The following WDR27 variants were observed in gnomAD, a reference collection of about 807,000 sequenced individuals.
WDR27 encodes WD repeat domain 27.
WDR27 carries 100 observed loss-of-function variants against 114.4 expected under a neutral mutation model. The ratio of observed to expected loss-of-function variants is 0.87; its 90% confidence interval spans 0.74 to 1.03. WDR27 has a LOEUF of 1.03. WDR27 is among the 50% of genes least tolerant of loss of function. The probability of loss-of-function intolerance (pLI) is 0.00; values close to 1 mark genes in which losing one functional copy is unlikely to be tolerated. For synonymous variants in WDR27, 449 were observed against 423.1 expected, an observed-to-expected ratio of 1.06 and a Z score of -0.75; for missense variants, 1,129 against 1,092.9, an observed-to-expected ratio of 1.03 and a Z score of -0.47.
intron 25 of WDR27, among the ~76,000 whole-genome samples, chr6:169,484,071 C>A (rs1788552529): frequency 4.6e-5 from 7 of 152,082 alleles, no homozygotes; most frequent in Admixed American, 4.6e-4. Context: ...CAATGTTGTA[C>A]TGAATTGACA....
At position 169,688,890 on chromosome 6, in the gene WDR27, C is replaced by T. The variant is rs752929948; in HGVS notation, c.116G>A (p.Ser39Asn). 1.2e-6 allele frequency: 2 copies of T among 1,613,964 alleles called. No individual in the cohort carries two copies. Among genetic ancestry groups the T allele is most frequent in the South Asian group, 2.2e-5 (2 of 91,076 alleles). ...ESVSHVQLAC[S>N]MQDCAFPLDG... ...CAAAGGGAAAGCACAGTCCTGCATG[C>T]TGCAAGCAAGCTGAACATGAGACAC... Residue 39 changes from serine to asparagine, a missense_variant, in exon 2 of 26, where the codon AGC becomes AAC. Ser to Asn is a conservative substitution (Grantham distance 46). Transcript: ENST00000448612.
chr6:169,562,183 A>G (rs3006191), intron 25 of WDR27, among the ~76,000 whole-genome samples: 89,765 of 151,984 alleles, frequency 0.59, 29,228 homozygotes, highest in Non-Finnish European at 0.72. Flanking sequence ...TGAGGAACAC[A>G]CCTAACCAAC....
rs546900192 is a variant in WDR27 at position 169,508,607 on chromosome 6, A to G, written c.2646-50973T>C. On this transcript the variant is annotated intron_variant, in intron 25 of 25. Transcript: ENST00000448612. ...AACAATTGCACACAAGAATATTCTG[A>G]AAGGATTTGGGAAGACAAAGATTCA... Among the ~76,000 whole-genome samples, 37 of 152,344 alleles carry G rather than the reference A, an allele frequency of 2.4e-4. No homozygotes were observed. In the South Asian group the frequency reaches 3.7e-3, roughly 15 times the overall value.
intron 25 of WDR27, among the ~76,000 whole-genome samples, chr6:169,540,491 G>A (rs1374554516): frequency 1.3e-5 from 2 of 151,218 alleles, no homozygotes; most frequent in Non-Finnish European, 2.9e-5. Flanking sequence ...GTGCAGTGGC[G>A]AGATCTCGGC....
chr6:169,543,984 C>T (rs905740598), intron 25 of WDR27, among the ~76,000 whole-genome samples: 1 of 152,068 alleles, frequency 6.6e-6, no homozygotes, highest in South Asian at 2.1e-4. Flanking sequence ...CACAGTTGAC[C>T]ACATCAACAA....
intron 24 of WDR27, among the ~76,000 whole-genome samples, chr6:169,578,788 T>A (rs988104513): frequency 2.6e-5 from 4 of 152,214 alleles, no homozygotes; most frequent in African/African-American, 9.7e-5. Flanking sequence ...GCATCATTTG[T>A]TCCCAAGCAA....
intron 25 of WDR27, among the ~76,000 whole-genome samples, chr6:169,466,710 T>C (rs563595386): frequency 2.6e-5 from 4 of 152,270 alleles, no homozygotes; most frequent in South Asian, 2.1e-4. Context: ...ATGGGGATTA[T>C]GAGGATTACA....
chr6:169,609,815 T>C (rs1475969978), intron 22 of WDR27, among the ~76,000 whole-genome samples: 1 of 152,258 alleles, frequency 6.6e-6, no homozygotes, highest in African/African-American at 2.4e-5. Context: ...ATTGTCAGGC[T>C]GCAAATTTTT....
chr6:169,623,688 A>G (rs1291331813), intron 21 of WDR27, among the ~76,000 whole-genome samples: 1 of 152,172 alleles, frequency 6.6e-6, no homozygotes, highest in Non-Finnish European at 1.5e-5. Context: ...TAGAAGAAAA[A>G]CTGGTCATTT....
rs548119528 is a variant in WDR27 at position 169,457,624 on chromosome 6, G to A, written c.2656C>T (p.Leu886=). 42 of 1,551,616 alleles carry A rather than the reference G, an allele frequency of 2.7e-5. No homozygotes were observed. Among genetic ancestry groups the A allele is most frequent in the Middle Eastern group, 1.7e-4 (1 of 5,990 alleles). ...PSSWDYSLPQ[L]PWMVNSSSF is the part of the protein sequence containing the mutation. ...GAGCTGGAGTTTACCATCCAAGGTA[G>A]CTGTGGCAAGCTGTAATTGAAAATA... Residue 886 remains leucine (L), a synonymous_variant, in exon 26 of 26, where the codon CTA becomes TTA. Coordinates refer to ENST00000448612, the MANE Select transcript of WDR27 (RefSeq NM_182552.5).
intron 1 of WDR27, among the ~76,000 whole-genome samples, chr6:169,692,817 C>G (rs1008485255): frequency 3.3e-5 from 5 of 152,214 alleles, no homozygotes; most frequent in African/African-American, 4.8e-5. Flanking sequence ...CCACCTAACC[C>G]TGCCCCCATC....
At chr6:169,564,009 G>A (rs572929183) in intron 25 of WDR27, among the ~76,000 whole-genome samples, 39 of 152,284 alleles carry the variant, frequency 2.6e-4, no homozygotes, top group African/African-American at 8.2e-4. Context: ...ATCACCAGGC[G>A]AAGTCCCACA....
intron 25 of WDR27, among the ~76,000 whole-genome samples, chr6:169,502,961 A>C (rs1469729574): frequency 6.6e-6 from 1 of 152,200 alleles, no homozygotes; most frequent in Non-Finnish European, 1.5e-5. Context: ...GGTCCATGAA[A>C]GTACTGGCAG....
the WDR27 span, among the ~76,000 whole-genome samples, chr6:169,447,237 C>G: frequency 2.0e-5 from 3 of 152,160 alleles, no homozygotes; most frequent in Non-Finnish European, 4.4e-5. Flanking sequence ...TTGCTTCACA[C>G]TTATGAGCTG....
intron 25 of WDR27, chr6:169,558,992 G>T (rs1799288303): frequency 6.6e-6 from 1 of 152,206 alleles, no homozygotes; most frequent in Non-Finnish European, 1.5e-5. Context: ...GCACTTGGAA[G>T]TTACAGGCCT....
chr6:169,437,621 GTTCT>G, the WDR27 span, among the ~76,000 whole-genome samples: 7 of 152,026 alleles, frequency 4.6e-5, no homozygotes, highest in South Asian at 1.2e-3. Flanking sequence ...TTTACCTTCT[GTTCT>G]TTCTTCGTTC....
At chr6:169,506,684 C>G (rs1185272780) in intron 25 of WDR27, among the ~76,000 whole-genome samples, 3 of 152,184 alleles carry the variant, frequency 2.0e-5, no homozygotes, top group Non-Finnish European at 4.4e-5. Flanking sequence ...AACTGTGTGT[C>G]CTTTGCAGTA....
intron 23 of WDR27, among the ~76,000 whole-genome samples, chr6:169,599,922 C>T (rs1466116728): frequency 6.6e-6 from 1 of 152,086 alleles, no homozygotes; most frequent in Non-Finnish European, 1.5e-5. Flanking sequence ...TCCCTCTACA[C>T]ACTGCTTTGA....
chr6:169,674,952 T>C (rs1314664854), intron 2 of WDR27, among the ~76,000 whole-genome samples: 1 of 152,114 alleles, frequency 6.6e-6, no homozygotes, highest in African/African-American at 2.4e-5. Flanking sequence ...GGGGGAGCTT[T>C]TGAGCCAGGA....
Sources: allele counts gnomAD v4.1 joint callset (sites outside exome capture counted in the v4.1 genomes callset), GRCh38; gene constraint gnomAD v4.1.1; transcripts MANE v1.5; gene names NCBI Gene and HGNC (gene_info 2026-07-23, HGNC 2026-07-21).